Variants in CTNND2 observed in about 807,000 individuals in gnomAD.
The protein encoded by CTNND2 is catenin delta 2, also known as catenin delta-2.
Under a neutral mutation model 144.4 loss-of-function variants are expected in CTNND2, and 22 were observed. The observed-to-expected ratio is 0.15, with a 90% CI of 0.11 to 0.22. The LOEUF (loss-of-function observed/expected upper bound fraction) is 0.22. Among genes scored for constraint, CTNND2 ranks in the 10% least tolerant of loss-of-function variants. The pLI is 1.00. For synonymous variants in CTNND2, 751 were observed against 695.6 expected (o/e 1.08, Z -1.25); for missense variants, 1,353 against 1,618.8 (o/e 0.84, Z 2.82).
At chr5:11,842,139 A>T (rs985308093) in intron 1 of CTNND2, among the ~76,000 whole-genome samples, 1 of 152,072 alleles carries the variant, frequency 6.6e-6, no homozygotes, top group Non-Finnish European at 1.5e-5. Context: ...AAAATCAGTG[A>T]ACCAGTTTCA....
At position 11,892,464 on chromosome 5, in the gene CTNND2, GAACT is replaced by G. The variant is rs1328375028; in HGVS notation, c.37+11349_37+11352del. Among the ~76,000 whole-genome samples the G allele has an allele frequency of 1.2e-4, 18 of 152,198 alleles. No individual in the cohort carries two copies. The East Asian group carries it at 2.7e-3, about 23-fold the overall frequency. On this transcript the variant is annotated intron_variant, in intron 1 of 21. Transcript: ENST00000304623. ...ACAAACTGAAATTACTTCTGTAGTA[GAACT>G]AACTATTTAACATAAGTCCTGGGTA...
chr5:11,843,407 T>A (rs929995702), intron 1 of CTNND2, among the ~76,000 whole-genome samples: 2 of 152,238 alleles, frequency 1.3e-5, no homozygotes, highest in African/African-American at 4.8e-5. Context: ...CTACTTTTGT[T>A]AAACTTCCTC....
At chr5:11,036,569 C>G (rs1001273533) in intron 16 of CTNND2, among the ~76,000 whole-genome samples, 3 of 152,082 alleles carry the variant, frequency 2.0e-5, no homozygotes, top group African/African-American at 7.2e-5. Context: ...TACAGGTGCC[C>G]ACCACCAAGC....
chr5:11,808,216 T>G (rs1364528285), intron 1 of CTNND2, among the ~76,000 whole-genome samples: 3 of 152,220 alleles, frequency 2.0e-5, no homozygotes, highest in Non-Finnish European at 4.4e-5. Context: ...CTTACAGTCA[T>G]TGGACCATAA....
intron 2 of CTNND2, among the ~76,000 whole-genome samples, chr5:11,666,211 G>T (rs1302181661): frequency 2.6e-5 from 4 of 152,146 alleles, no homozygotes; most frequent in African/African-American, 9.7e-5. Flanking sequence ...AGCACCTGGA[G>T]AAAGAGGTAA....
chr5:11,667,112 C>T (rs777684020), intron 2 of CTNND2, among the ~76,000 whole-genome samples: 4 of 152,160 alleles, frequency 2.6e-5, no homozygotes, highest in Non-Finnish European at 4.4e-5. Flanking sequence ...CTTTTTATGG[C>T]TCCATAATAT....
intron 2 of CTNND2, among the ~76,000 whole-genome samples, chr5:11,662,162 T>TATATATAC (rs1561668848): frequency 1.2e-3 from 176 of 145,936 alleles, no homozygotes; most frequent in African/African-American, 4.4e-3. Context: ...TATATGTGTA[T>TATATATAC]ATATGTGTAT....
chr5:11,694,163 C>A (rs139233759), intron 2 of CTNND2, among the ~76,000 whole-genome samples: 3,205 of 152,120 alleles, frequency 0.021, 110 homozygotes, highest in African/African-American at 0.072. Context: ...GGGCCAGGCG[C>A]GGTGGCTCAT....
chr5:11,022,652 T>C, intron 17 of CTNND2, 117 bp downstream of exon 17: 1 of 774,622 alleles, frequency 1.3e-6, no homozygotes, highest in Non-Finnish European at 2.2e-6. Flanking sequence ...TTCTCTTGAT[T>C]CTCAGAGACA....
intron 9 of CTNND2, among the ~76,000 whole-genome samples, chr5:11,281,235 C>T (rs566144510): frequency 6.6e-6 from 1 of 152,056 alleles, no homozygotes; most frequent in Admixed American, 6.6e-5. Context: ...GATAAGGTCA[C>T]TGAGGGAAAG....
chr5:11,014,457 G>A lies in CTNND2; in HGVS notation c.3084+3517C>T, dbSNP rs977363059. Among the ~76,000 whole-genome samples, 5 of 152,038 alleles carry A rather than the reference G, an allele frequency of 3.3e-5. No individual in the cohort carries two copies. The East Asian group carries it at 5.8e-4, about 18-fold the overall frequency. On this transcript the variant is annotated intron_variant, in intron 18 of 21. Coordinates refer to ENST00000304623, the MANE Select transcript of CTNND2 (RefSeq NM_001332.4). ...CACAAAACATCTAAGTTCTATTTGCGGTTATCTAAACTTAAAGACTGGCTT... is the reference window on the plus strand; with the variant it reads ...CACAAAACATCTAAGTTCTATTTGCAGTTATCTAAACTTAAAGACTGGCTT...
At chr5:11,223,749 G>A (rs1436526570) in intron 10 of CTNND2, among the ~76,000 whole-genome samples, 2 of 152,140 alleles carry the variant, frequency 1.3e-5, no homozygotes. Context: ...TTTGTTGGAG[G>A]AGCCCTAAAA....
intron 3 of CTNND2, among the ~76,000 whole-genome samples, chr5:11,510,015 T>C (rs1771483537): frequency 6.6e-6 from 1 of 152,194 alleles, no homozygotes; most frequent in Non-Finnish European, 1.5e-5. Context: ...CACTGAAATC[T>C]CAACCTCCTG....
chr5:11,036,895 AC>A (rs925237461), intron 16 of CTNND2, among the ~76,000 whole-genome samples: 7 of 152,198 alleles, frequency 4.6e-5, no homozygotes, highest in Non-Finnish European at 1.5e-5. Flanking sequence ...AGAATCCAAT[AC>A]AAAAAGACCT....
intron 2 of CTNND2, among the ~76,000 whole-genome samples, chr5:11,636,041 C>CCA (rs1235728421): frequency 6.7e-5 from 10 of 150,022 alleles, no homozygotes; most frequent in Non-Finnish European, 1.2e-4. Context: ...CCCACCCCCG[C>CCA]CACACACACA....
intron 16 of CTNND2, among the ~76,000 whole-genome samples, chr5:11,070,960 G>A (rs55886820): frequency 0.19 from 28,303 of 151,248 alleles, 3,152 homozygotes; most frequent in Non-Finnish European, 0.26. Flanking sequence ...GGAGGAGTGC[G>A]TAGGGGAGGG....
At chr5:11,238,891 T>A (rs1163424235) in intron 9 of CTNND2, among the ~76,000 whole-genome samples, 1 of 152,210 alleles carries the variant, frequency 6.6e-6, no homozygotes, top group East Asian at 1.9e-4. Context: ...AATCATAGAA[T>A]TAAAAATGTA....
chr5:11,363,180 A>C (rs924632277), intron 8 of CTNND2, among the ~76,000 whole-genome samples: 1 of 152,144 alleles, frequency 6.6e-6, no homozygotes, highest in African/African-American at 2.4e-5. Context: ...ATCACACTAG[A>C]GTTTTCTTTT....
At chr5:11,503,762 A>G (rs1343849890) in intron 3 of CTNND2, among the ~76,000 whole-genome samples, 1 of 152,212 alleles carries the variant, frequency 6.6e-6, no homozygotes, top group Non-Finnish European at 1.5e-5. Context: ...TGGTTTGTTC[A>G]TACTTCTATA....
Sources: allele counts gnomAD v4.1 joint callset (sites outside exome capture counted in the v4.1 genomes callset), GRCh38; gene constraint gnomAD v4.1.1; transcripts MANE v1.5; gene names NCBI Gene and HGNC (gene_info 2026-07-23, HGNC 2026-07-21).